Variants in TENM1 observed in about 807,000 individuals in gnomAD.
The protein encoded by TENM1 is teneurin transmembrane protein 1.
A neutral mutation model predicts 174.8 loss-of-function variants in TENM1; 35 were observed. The observed-to-expected ratio is 0.20, with a 90% CI of 0.15 to 0.27. The LOEUF (loss-of-function observed/expected upper bound fraction) is 0.27, where lower values mean the gene tolerates loss of function less well. TENM1 is among the 10% of genes least tolerant of loss of function. The probability of loss-of-function intolerance (pLI) is 1.00; values close to 1 mark genes in which losing one functional copy is unlikely to be tolerated. For synonymous variants in TENM1, 781 were observed against 798.7 expected (o/e 0.98, Z 0.37); for missense variants, 1,633 against 2,130.1 (o/e 0.77, Z 4.59).
intron 1 of TENM1, among the ~76,000 whole-genome samples, chrX:124,918,737 G>A (rs913785332): frequency 9.9e-5 from 11 of 111,463 alleles, no homozygotes; most frequent in African/African-American, 6.5e-5. Flanking sequence ...CATATATTTC[G>A]CACTTAAAGA....
the TENM1 span, among the ~76,000 whole-genome samples, chrX:125,038,663 A>G: frequency 3.6e-5 from 4 of 111,125 alleles, no homozygotes; most frequent in African/African-American, 1.3e-4. Flanking sequence ...ACAGTAGGCA[A>G]TTTTCAAATT....
chrX:124,766,710 T>A (rs994301671), intron 3 of TENM1, among the ~76,000 whole-genome samples: 1 of 111,478 alleles, frequency 9.0e-6, no homozygotes, highest in African/African-American at 3.2e-5. Context: ...GAATATTATA[T>A]AAAAATTTGG....
the TENM1 span, among the ~76,000 whole-genome samples, chrX:125,110,018 A>T: frequency 9.0e-6 from 1 of 111,709 alleles, no homozygotes; most frequent in Non-Finnish European, 1.9e-5. Flanking sequence ...GGATGCATTG[A>T]TGTTTATGAA....
the TENM1 span, among the ~76,000 whole-genome samples, chrX:125,066,872 G>C: frequency 1.8e-5 from 2 of 110,701 alleles, no homozygotes. Context: ...TTGTTTGGTT[G>C]GTTTATTTAA....
At chrX:124,522,906 T>C (rs2047887597) in intron 17 of TENM1, among the ~76,000 whole-genome samples, 1 of 111,498 alleles carries the variant, frequency 9.0e-6, no homozygotes, top group South Asian at 3.8e-4. Flanking sequence ...CAGGCTGGTC[T>C]TGAACTCTCA....
intron 3 of TENM1, among the ~76,000 whole-genome samples, chrX:124,789,098 G>T (rs1569444694): frequency 8.9e-6 from 1 of 112,105 alleles, no homozygotes; most frequent in Admixed American, 9.4e-5. Context: ...CACTTGCAGG[G>T]TCAATACCAT....
chrX:124,479,193 TGTG>T (rs759099812), intron 22 of TENM1, among the ~76,000 whole-genome samples: 1 of 112,351 alleles, frequency 8.9e-6, no homozygotes, highest in Non-Finnish European at 1.9e-5. Flanking sequence ...TTGAAGGAGA[TGTG>T]GTGGCTACCT....
chrX:124,846,979 C>A (rs1425971246), intron 3 of TENM1, among the ~76,000 whole-genome samples: 1 of 111,568 alleles, frequency 9.0e-6, no homozygotes, highest in Non-Finnish European at 1.9e-5. Context: ...TATTTTACAG[C>A]TAAGTAATGC....
the TENM1 span, among the ~76,000 whole-genome samples, chrX:125,020,346 T>C: frequency 3.5e-3 from 385 of 111,058 alleles, 3 homozygotes; most frequent in Non-Finnish European, 6.0e-3. Context: ...TAGTAGGATT[T>C]TATAAATATT....
intron 30 of TENM1, among the ~76,000 whole-genome samples, chrX:124,383,193 T>G (rs912960768): frequency 9.0e-6 from 1 of 110,595 alleles, no homozygotes; most frequent in African/African-American, 3.3e-5. Flanking sequence ...GTGATCTGCC[T>G]GCCTCAGCCT....
intron 11 of TENM1, among the ~76,000 whole-genome samples, chrX:124,578,432 G>T (rs2049223558): frequency 9.0e-6 from 1 of 111,484 alleles, no homozygotes; most frequent in Non-Finnish European, 1.9e-5. Flanking sequence ...TCTAAAGCCT[G>T]ATTTCCTGGT....
At chrX:124,401,574 G>T (rs1280429985) in intron 27 of TENM1, among the ~76,000 whole-genome samples, 3 of 112,050 alleles carry the variant, frequency 2.7e-5, no homozygotes, top group Admixed American at 9.5e-5. Context: ...TGCATATTTT[G>T]GTCCAGGAAG....
the TENM1 span, among the ~76,000 whole-genome samples, chrX:124,972,424 T>C: frequency 2.7e-5 from 3 of 111,860 alleles, no homozygotes; most frequent in Non-Finnish European, 5.6e-5. Flanking sequence ...TAGAAAAATA[T>C]GACAAAACTT....
chrX:124,387,888 C>T, intron 28 of TENM1, among the ~76,000 whole-genome samples: 1 of 112,030 alleles, frequency 8.9e-6, no homozygotes, highest in Non-Finnish European at 1.9e-5. Context: ...CTGAAAACCT[C>T]CTGAACAAAA....
upstream of TENM1, among the ~76,000 whole-genome samples, chrX:124,965,721 T>C (rs1303147213): frequency 1.8e-5 from 2 of 110,728 alleles, no homozygotes; most frequent in Non-Finnish European, 3.8e-5. Flanking sequence ...CACACACCAA[T>C]GATTCAACAA....
the TENM1 span, among the ~76,000 whole-genome samples, chrX:125,003,655 G>A: frequency 3.6e-5 from 4 of 110,929 alleles, no homozygotes; most frequent in South Asian, 3.8e-4. Context: ...GAAAGGGGCC[G>A]TTCCACCTCA....
intron 1 of TENM1, among the ~76,000 whole-genome samples, chrX:124,954,264 G>C (rs2058537195): frequency 9.0e-6 from 1 of 110,952 alleles, no homozygotes; most frequent in South Asian, 3.8e-4. Flanking sequence ...TATACTCCTA[G>C]CTAACTGATG....
chrX:125,041,927 A>G, the TENM1 span, among the ~76,000 whole-genome samples: 1 of 111,759 alleles, frequency 8.9e-6, no homozygotes, highest in Non-Finnish European at 1.9e-5. Context: ...TAGGAGAAAA[A>G]AATTGAAGAA....
chrX:124,912,916 T>C (rs1290336490), intron 1 of TENM1, among the ~76,000 whole-genome samples: 2 of 111,650 alleles, frequency 1.8e-5, no homozygotes, highest in East Asian at 5.6e-4. Context: ...AAGGCCATTT[T>C]GAATTATAAT....
Sources: allele counts gnomAD v4.1 joint callset (sites outside exome capture counted in the v4.1 genomes callset), GRCh38; gene constraint gnomAD v4.1.1; transcripts MANE v1.5; gene names NCBI Gene and HGNC (gene_info 2026-07-23, HGNC 2026-07-21).